DIP2C: variants seen among roughly 807,000 people sequenced by gnomAD.
DIP2C encodes the protein DIP2 acetate--CoA ligase C (putative).
In DIP2C, 33 loss-of-function variants were observed where a neutral mutation model predicts 192.4. The ratio of observed to expected loss-of-function variants is 0.17; its 90% confidence interval spans 0.13 to 0.23. The LOEUF is 0.23. Among genes scored for constraint, DIP2C ranks in the 10% least tolerant of loss-of-function variants. The pLI is 1.00. For synonymous variants in DIP2C, 979 were observed against 864.1 expected (o/e 1.13, Z -2.33); for missense variants, 1,537 against 2,110.1 (o/e 0.73, Z 5.32).
chr10:544,394 G>GC (rs1848170581), intron 1 of DIP2C, among the ~76,000 whole-genome samples: 1 of 152,240 alleles, frequency 6.6e-6, no homozygotes, highest in Non-Finnish European at 1.5e-5. Context: ...CTGCTATGAA[G>GC]ATTCTTGCAT....
chr10:575,928 G>A (rs755252904), intron 1 of DIP2C, among the ~76,000 whole-genome samples: 1 of 152,196 alleles, frequency 6.6e-6, no homozygotes, highest in African/African-American at 2.4e-5. Context: ...CGCACTTTCA[G>A]GATTTCAGTG....
At position 321,592 on chromosome 10, in the gene DIP2C, G is replaced by A. The variant is rs866018571; in HGVS notation, c.3924+5414C>T. Among the ~76,000 whole-genome samples the A allele has an allele frequency of 6.5e-4, 94 of 145,724 alleles. 1 individual carries two copies. The highest frequency in any genetic ancestry group is 1.1e-3 in the South Asian group (5 of 4,460). On this transcript the variant is annotated intron_variant, in intron 31 of 36. Transcript: ENST00000280886. ...TCAGTCGGGGGTGCGGGGCTCCAGC[G>A]AGAGACCGGCGCTGTTAGAACAGTC...
At chr10:681,320 TG>T (rs1831123462) in intron 1 of DIP2C, among the ~76,000 whole-genome samples, 1 of 112,172 alleles carries the variant, frequency 8.9e-6, no homozygotes, top group Admixed American at 8.8e-5. Context: ...TCACATGGTA[TG>T]GCCACCGCCT....
At chr10:329,930 C>T (rs988681362) in intron 29 of DIP2C, among the ~76,000 whole-genome samples, 2 of 152,016 alleles carry the variant, frequency 1.3e-5, no homozygotes, top group African/African-American at 4.8e-5. Context: ...GTAGAAAACA[C>T]AGGGATCAAA....
At chr10:496,146 CG>C (rs1414986714) in intron 1 of DIP2C, among the ~76,000 whole-genome samples, 1 of 111,942 alleles carries the variant, frequency 8.9e-6, no homozygotes. Context: ...CCCCAAACAA[CG>C]TTGAGTGCTG....
chr10:545,374 T>A (rs1238852575), intron 1 of DIP2C, among the ~76,000 whole-genome samples: 1 of 152,012 alleles, frequency 6.6e-6, no homozygotes, highest in African/African-American at 2.4e-5. Context: ...ACTGCTGATC[T>A]GTAACTCCTG....
chr10:487,670 T>C (rs373418218), intron 1 of DIP2C, among the ~76,000 whole-genome samples: 26 of 136,968 alleles, frequency 1.9e-4, no homozygotes, highest in African/African-American at 6.4e-4. Context: ...CTCCGCCTCC[T>C]GGGTTCACAC....
chr10:599,231 T>C (rs918644806), intron 1 of DIP2C, among the ~76,000 whole-genome samples: 1 of 152,140 alleles, frequency 6.6e-6, no homozygotes, highest in African/African-American at 2.4e-5. Flanking sequence ...ACAGAATGGT[T>C]AGAATGAATC....
In DIP2C at chr10:320,177, G is replaced by C. The variant is rs536813266; in HGVS notation, c.3924+6829C>G. On this transcript the variant is annotated intron_variant, in intron 31 of 36. Coordinates refer to ENST00000280886, the MANE Select transcript of DIP2C (RefSeq NM_014974.3). ...TCATGCCAAGTCATTTTCCACGGGA[G>C]ACTAGACTCTAGTCAAGTAAGGATA... 6.6e-5 allele frequency among the ~76,000 whole-genome samples: 10 copies of C among 152,302 alleles called. No homozygotes were observed. The South Asian group carries it at 1.0e-3, about 16-fold the overall frequency.
intron 32 of DIP2C, among the ~76,000 whole-genome samples, chr10:295,101 CTTTT>C (rs200972750): frequency 6.7e-6 from 1 of 149,786 alleles, no homozygotes; most frequent in South Asian, 2.1e-4. Flanking sequence ...AAGTGGAAGT[CTTTT>C]TTTTTTCTTA....
chr10:345,517 ACCCAT>A (rs1315842984), intron 26 of DIP2C, among the ~76,000 whole-genome samples: 15 of 58,384 alleles, frequency 2.6e-4, no homozygotes, highest in South Asian at 1.2e-3. Flanking sequence ...CCCCACAAAC[ACCCAT>A]CCCAGACACA....
chr10:334,184 G>C (rs951325700), intron 29 of DIP2C, among the ~76,000 whole-genome samples: 3 of 151,896 alleles, frequency 2.0e-5, no homozygotes, highest in Admixed American at 1.3e-4. Context: ...GTGCATGCCT[G>C]TACTTCCAGC....
At chr10:337,598 CT>C (rs1957904850) in intron 29 of DIP2C, among the ~76,000 whole-genome samples, 1 of 92,512 alleles carries the variant, frequency 1.1e-5, no homozygotes, top group African/African-American at 4.3e-5. Flanking sequence ...TGTGTGTGTT[CT>C]GTGGAGGCCT....
intron 1 of DIP2C, among the ~76,000 whole-genome samples, chr10:615,668 C>T (rs1177403358): frequency 6.6e-6 from 1 of 152,114 alleles, no homozygotes; most frequent in East Asian, 1.9e-4. Context: ...GCCTCTTCAC[C>T]AGCGCATTTC....
At chr10:281,436 G>GA in intron 35 of DIP2C, 113 bp from the exon 36 acceptor site, 1 of 1,412,084 alleles carries the variant, frequency 7.1e-7, no homozygotes, top group Non-Finnish European at 9.3e-7. Context: ...GGATGCAAAG[G>GA]AAGGGGCTCA....
At chr10:613,365 C>T (rs1853229757) in intron 1 of DIP2C, among the ~76,000 whole-genome samples, 2 of 152,248 alleles carry the variant, frequency 1.3e-5, no homozygotes, top group African/African-American at 4.8e-5. Flanking sequence ...ATGTGCACGC[C>T]TGCATCTGAG....
chr10:489,839 A>C, intron 1 of DIP2C, among the ~76,000 whole-genome samples: 1 of 111,450 alleles, frequency 9.0e-6, no homozygotes, highest in Non-Finnish European at 1.9e-5. Flanking sequence ...CCTTCACACT[A>C]GGGACACGGT....
Position 472,495 on chromosome 10 carries a change from G to A in DIP2C, c.212C>T (p.Ala71Val), listed in dbSNP as rs1255804254. ...ERRAPVTPSS[A>V]SRYHRRRSSG... Reference sequence around the variant, plus strand: ...AGACCGTCGGCGGTGGTAGCGAGAGGCGGAGGAAGGAGTGACAGGAGCCCG... The same window carrying A: ...AGACCGTCGGCGGTGGTAGCGAGAGACGGAGGAAGGAGTGACAGGAGCCCG... The change falls in exon 3 of 37, where the codon GCC becomes GTC. Residue 71 changes from alanine (A) to valine (V), a missense_variant. Ala to Val is a moderately conservative substitution (Grantham distance 64, BLOSUM62 0). Transcript: ENST00000280886. 4 of 1,614,086 alleles carry A rather than the reference G, an allele frequency of 2.5e-6. No homozygotes were observed. The highest frequency in any genetic ancestry group is 2.2e-5 in the East Asian group (1 of 44,898).
intron 17 of DIP2C, among the ~76,000 whole-genome samples, chr10:378,623 AC>A (rs1961945884): frequency 6.7e-6 from 1 of 148,784 alleles, no homozygotes; most frequent in Admixed American, 6.8e-5. Flanking sequence ...GCATAAAGAC[AC>A]ACGAACACAG....
Sources: gnomAD v4.1 joint callset for allele counts (sites outside exome capture counted in the v4.1 genomes callset) on GRCh38, gnomAD v4.1.1 for gene constraint, MANE v1.5 for transcripts, NCBI Gene and HGNC (gene_info 2026-07-23, HGNC 2026-07-21) for gene names.